STAC2: variants seen among roughly 807,000 people sequenced by gnomAD.
The protein encoded by STAC2 is SH3 and cysteine rich domain 2.
In STAC2, 36 loss-of-function variants were observed where a neutral mutation model predicts 49.0. The observed-to-expected ratio is 0.74, with a 90% confidence interval of 0.56 to 0.97. The LOEUF (loss-of-function observed/expected upper bound fraction) is 0.97, where lower values mean the gene tolerates loss of function less well. Among genes scored for constraint, STAC2 ranks in the 50% least tolerant of loss-of-function variants. STAC2 has a pLI of 0.00. For synonymous variants in STAC2, 239 were observed against 214.7 expected, an observed-to-expected ratio of 1.11 and a Z score of -0.99; for missense variants, 527 against 543.8, an observed-to-expected ratio of 0.97 and a Z score of 0.31.
intron 4 of STAC2, among the ~76,000 whole-genome samples, chr17:39,216,044 C>G (rs1271919033): frequency 6.6e-6 from 1 of 152,130 alleles, no homozygotes; most frequent in East Asian, 1.9e-4. Flanking sequence ...TCCCTCTGCC[C>G]CACACCAGTC....
chr17:39,218,324 A>C, intron 1 of STAC2, 151 bp from the exon 2 acceptor site: 1 of 777,452 alleles, frequency 1.3e-6, no homozygotes, highest in Non-Finnish European at 2.1e-6. Flanking sequence ...AAACAGCAAC[A>C]GAGAGGCTCC....
Position 39,215,098 on chromosome 17 carries a change from C to G in STAC2, c.699+20G>C. 1 of 1,614,066 alleles carries G rather than the reference C, an allele frequency of 6.2e-7. No homozygotes were observed. Among genetic ancestry groups the G allele is most frequent in the Admixed American group, 1.7e-5 (1 of 60,016 alleles). On this transcript the variant is annotated intron_variant, in intron 5 of 10. Coordinates refer to ENST00000333461, the MANE Select transcript of STAC2 (RefSeq NM_198993.5). ...TCAGACACCCCTCCCCAAAAGACCC[C>G]CCCTTTTTGCCCACCATACCAGGCT...
At position 39,214,869 on chromosome 17, in the gene STAC2, C is replaced by T. The variant is rs758335979; in HGVS notation, c.773-8G>A. The T allele has an allele frequency of 3.7e-6, 6 of 1,613,890 alleles. No individual in the cohort carries two copies. Among genetic ancestry groups the T allele is most frequent in the African/African-American group, 1.3e-5 (1 of 74,876 alleles). On this transcript the variant is annotated splice_region_variant and splice_polypyrimidine_tract_variant and intron_variant, in intron 6 of 10. Transcript: ENST00000333461. The stretch of plus-strand genomic sequence containing the variant: ...CTGTGAATACTGGAGATGCTAGGGG[C>T]AGGAGAGGGAAAGGGTGAGAGGCAG...
In STAC2 at chr17:39,214,311, CGCAGG is replaced by C. The variant is rs1216059612; in HGVS notation, c.858_862del (p.Leu287GlufsTer22). The C allele has an allele frequency of 6.2e-7, 1 of 1,613,886 alleles. No individual in the cohort carries two copies. Among genetic ancestry groups the C allele is most frequent in the African/African-American group, 1.3e-5 (1 of 74,926 alleles). ...GGAGTACATGGGCCCCACATCCTTC[CGCAGG>C]GTGGCTTTGGGGAGCTGCGGGAGAA... is the stretch of plus-strand genomic sequence containing the variant. On this transcript the variant is annotated frameshift_variant, in exon 8 of 11. Transcript: ENST00000333461. LOFTEE classifies it high-confidence loss of function.
Position 39,215,037 on chromosome 17 carries a change from G to A in STAC2, c.700-14C>T. The stretch of plus-strand genomic sequence containing the variant: ...ATCCCGCTCACTCTAGGGACAGAGA[G>A]AGGAGAGGGCTCAGCCCCCGAGCCC... On this transcript the variant is annotated splice_polypyrimidine_tract_variant and intron_variant, in intron 5 of 10. Coordinates refer to ENST00000333461, the MANE Select transcript of STAC2 (RefSeq NM_198993.5). 2 of 1,614,110 alleles carry A rather than the reference G, an allele frequency of 1.2e-6. No homozygotes were observed. The highest frequency in any genetic ancestry group is 2.7e-5 in the African/African-American group (2 of 75,042).
intron 2 of STAC2, among the ~76,000 whole-genome samples, 182 bp from the exon 3 acceptor site, chr17:39,217,355 TGGCAGTGACACTGA>T (rs768323788): frequency 6.6e-6 from 1 of 152,024 alleles, no homozygotes; most frequent in Non-Finnish European, 1.5e-5. Flanking sequence ...TTAGTAAACA[TGGCAGTGACACTGA>T]GGCAGTGACA....
At chr17:39,221,461 C>G (rs989028079) in intron 1 of STAC2, among the ~76,000 whole-genome samples, 13 of 152,204 alleles carry the variant, frequency 8.5e-5, no homozygotes, top group Non-Finnish European at 1.9e-4. Flanking sequence ...AAACTTACAT[C>G]TCTGAGGGGC....
chr17:39,218,260 G>GGCGGCAGCA (rs1377355068), intron 1 of STAC2, 87 bp from the exon 2 acceptor site: 3 of 1,411,346 alleles, frequency 2.1e-6, no homozygotes, highest in Non-Finnish European at 3.0e-6. Flanking sequence ...TGGCGGTAGG[G>GGCGGCAGCA]GCGGCAGCAG....
Position 39,211,520 on chromosome 17 carries a change from A to C in STAC2, c.*772T>G, listed in dbSNP as rs1345751784. 1 of 152,248 alleles carries C rather than the reference A, an allele frequency of 6.6e-6. No homozygotes were observed. The highest frequency in any genetic ancestry group is 1.9e-4 in the East Asian group (1 of 5,290). 9.4% of individuals were successfully genotyped at this position (152,248 alleles called of 1,614,324 possible). ...AGGCTGGTCTTGAACTCCTGACCTC[A>C]GGTGATCTGCCCACCTCAGCCTCCC... On this transcript the variant is annotated 3_prime_UTR_variant, in exon 11 of 11. Coordinates refer to ENST00000333461, the MANE Select transcript of STAC2 (RefSeq NM_198993.5).
At chr17:39,219,854 G>C (rs993491279) in intron 1 of STAC2, among the ~76,000 whole-genome samples, 1 of 152,248 alleles carries the variant, frequency 6.6e-6, no homozygotes. Context: ...GGGGCCAGCA[G>C]CCTGGCTCCA....
rs1220800316 is a variant in STAC2 at position 39,218,187 on chromosome 17, A to T, written c.91-14T>A. 1 of 1,612,900 alleles carries T rather than the reference A, an allele frequency of 6.2e-7. No individual in the cohort carries two copies. Among genetic ancestry groups the T allele is most frequent in the Non-Finnish European group, 8.5e-7 (1 of 1,179,960 alleles). On this transcript the variant is annotated splice_polypyrimidine_tract_variant and intron_variant, in intron 1 of 10. Coordinates refer to ENST00000333461, the MANE Select transcript of STAC2 (RefSeq NM_198993.5). ...GAATCGCTGGAGCTGGGAGAAAAAG[A>T]GGGAGCTGTGAGTGGGAGCCTAGAG...
At chr17:39,217,799 A>G in intron 2 of STAC2, 68 bp downstream of exon 2, 1 of 1,477,312 alleles carries the variant, frequency 6.8e-7, no homozygotes, top group South Asian at 1.2e-5. Flanking sequence ...ATTGGGCGCA[A>G]CATGAGCCCA....
intron 4 of STAC2, among the ~76,000 whole-genome samples, chr17:39,215,760 A>G (rs1170269726): frequency 2.0e-5 from 3 of 152,094 alleles, no homozygotes; most frequent in South Asian, 2.1e-4. Flanking sequence ...CTGGAGTACA[A>G]TGGCACGATC....
At chr17:39,220,081 G>A (rs1007810305) in intron 1 of STAC2, among the ~76,000 whole-genome samples, 2 of 152,244 alleles carry the variant, frequency 1.3e-5, no homozygotes, top group African/African-American at 4.8e-5. Context: ...TGGGGTGTCT[G>A]GCACACTGAA....
At chr17:39,222,442 CTG>C (rs1482422211) in intron 1 of STAC2, among the ~76,000 whole-genome samples, 2 of 152,210 alleles carry the variant, frequency 1.3e-5, no homozygotes, top group Non-Finnish European at 2.9e-5. Flanking sequence ...AGAGATCAGA[CTG>C]TGGCTACAGG....
At chr17:39,221,243 C>T (rs769141610) in intron 1 of STAC2, among the ~76,000 whole-genome samples, 2 of 152,054 alleles carry the variant, frequency 1.3e-5, no homozygotes, top group African/African-American at 4.8e-5. Context: ...TTACAGGCGC[C>T]TGTCACCACA....
chr17:39,225,377 C>G lies in STAC2; in HGVS notation c.90+36G>C. On this transcript the variant is annotated intron_variant, in intron 1 of 10. Transcript: ENST00000333461. The surrounding 1 kb of genome is among the most constrained non-coding windows in gnomAD (Gnocchi z 8.2). Reference sequence around the variant, plus strand: ...CCCGCCGGGAAGAGGGCGCCCGGGCCCGGGGCGCGGACAGGCCTTGCGCCC... The same window carrying G: ...CCCGCCGGGAAGAGGGCGCCCGGGCGCGGGGCGCGGACAGGCCTTGCGCCC... 6.4e-7 allele frequency: 1 copy of G among 1,561,336 alleles called. No individual in the cohort carries two copies. Among genetic ancestry groups the G allele is most frequent in the Non-Finnish European group, 8.6e-7 (1 of 1,158,320 alleles).
intron 10 of STAC2, among the ~76,000 whole-genome samples, chr17:39,212,661 C>T (rs1323274411): frequency 6.6e-6 from 1 of 152,196 alleles, no homozygotes; most frequent in Non-Finnish European, 1.5e-5. Flanking sequence ...ACCCCCATCA[C>T]AGAGGAGGTG....
At chr17:39,214,695 C>G (rs536054486) in intron 7 of STAC2, 96 bp downstream of exon 7, 9 of 1,409,798 alleles carry the variant, frequency 6.4e-6, no homozygotes, top group Non-Finnish European at 8.7e-6. Context: ...TGAATCCCCA[C>G]GCACCATGCT....
Sources: allele counts gnomAD v4.1 joint callset (sites outside exome capture counted in the v4.1 genomes callset), GRCh38; gene constraint gnomAD v4.1.1; non-coding constraint Gnocchi (gnomAD v3.1); transcripts MANE v1.5; gene names NCBI Gene and HGNC (gene_info 2026-07-23, HGNC 2026-07-21).